Variants in NALF1 observed in about 807,000 individuals in gnomAD.
NALF1 encodes family with sequence similarity 155 member A.
NALF1 carries 3 observed loss-of-function variants against 48.4 expected under a neutral mutation model. The ratio of observed to expected loss-of-function variants is 0.06; its 90% CI spans 0.03 to 0.16. The LOEUF (loss-of-function observed/expected upper bound fraction) is 0.16, where lower values mean the gene tolerates loss of function less well. Ranked by LOEUF, NALF1 falls within the 10% of genes least tolerant of loss-of-function variation. NALF1 has a pLI of 1.00. For missense variants in NALF1, 526 were observed against 571.5 expected, an observed-to-expected ratio of 0.92 and a Z score of 0.81; for synonymous variants, 262 against 245.7, an observed-to-expected ratio of 1.07 and a Z score of -0.62.
intron 1 of NALF1, among the ~76,000 whole-genome samples, chr13:107,524,208 T>G (rs2139099635): frequency 6.6e-6 from 1 of 152,238 alleles, no homozygotes; most frequent in Admixed American, 6.5e-5. Context: ...GCATGAAAAT[T>G]TCTATTCCAA....
chr13:107,521,144 A>C (rs924615915), intron 1 of NALF1, among the ~76,000 whole-genome samples: 6 of 152,212 alleles, frequency 3.9e-5, no homozygotes, highest in African/African-American at 1.4e-4. Context: ...TGCATCTTTA[A>C]ACTGCGATGT....
In NALF1 at chr13:107,740,850, A is replaced by G. The variant is rs556002901; in HGVS notation, c.915+124832T>C. Among the ~76,000 whole-genome samples, 24 of 152,358 alleles carry G rather than the reference A, an allele frequency of 1.6e-4. No individual in the cohort carries two copies. The South Asian group carries it at 2.3e-3, about 14-fold the overall frequency. On this transcript the variant is annotated intron_variant, in intron 1 of 2. Transcript: ENST00000375915. ...CTGGAATCTCCATTGGAAGGAATAA[A>G]ATATATGCTTTGGAATATGTACAAG...
rs1884776926 is a variant in NALF1, at chr13:107,453,526, C to A, written c.916-242771G>T. Among the ~76,000 whole-genome samples, 5 of 152,148 alleles carry A rather than the reference C, an allele frequency of 3.3e-5. No homozygotes were observed. The South Asian group carries it at 1.0e-3, about 32-fold the overall frequency. ...CCCAAGGATGCACATAGCAAGGGGC[C>A]CCTAGGCCTGGCCCACAGAACCATT... On this transcript the variant is annotated intron_variant, in intron 1 of 2. Coordinates refer to ENST00000375915, the MANE Select transcript of NALF1 (RefSeq NM_001080396.3).
intron 1 of NALF1, among the ~76,000 whole-genome samples, chr13:107,581,725 G>A (rs1482329811): frequency 1.3e-5 from 2 of 152,092 alleles, no homozygotes; most frequent in Non-Finnish European, 2.9e-5. Context: ...TAAGCAAATG[G>A]CATCTATTAC....
rs187127928 is a variant in NALF1, at chr13:107,344,548, G to A, written c.916-133793C>T. On this transcript the variant is annotated intron_variant, in intron 1 of 2. Coordinates refer to ENST00000375915, the MANE Select transcript of NALF1 (RefSeq NM_001080396.3). ...GGCTCACACACAAAAATCAATCAAT[G>A]TAATACACCACATCAACCAAAGAAC... is the stretch of plus-strand genomic sequence containing the variant. Among the ~76,000 whole-genome samples the A allele has an allele frequency of 1.8e-3, 270 of 152,224 alleles. 1 individual carries two copies. Among genetic ancestry groups the A allele is most frequent in the African/African-American group, 6.2e-3 (259 of 41,562 alleles).
chr13:107,384,197 G>C (rs1288437999), intron 1 of NALF1, among the ~76,000 whole-genome samples: 1 of 152,146 alleles, frequency 6.6e-6, no homozygotes, highest in African/African-American at 2.4e-5. Flanking sequence ...AGGTTGCAGT[G>C]AGCTGTGACT....
At chr13:107,300,571 C>T (rs1272239430) in intron 1 of NALF1, among the ~76,000 whole-genome samples, 1 of 152,128 alleles carries the variant, frequency 6.6e-6, no homozygotes, top group Non-Finnish European at 1.5e-5. Flanking sequence ...AGTATCCACA[C>T]TTAGTTGGTT....
intron 1 of NALF1, among the ~76,000 whole-genome samples, chr13:107,499,509 T>C (rs1875446392): frequency 6.6e-6 from 1 of 152,140 alleles, no homozygotes; most frequent in African/African-American, 2.4e-5. Flanking sequence ...GGCCAGGCCA[T>C]ATTGAAGTCT....
chr13:107,449,135 G>A (rs1487244198), intron 1 of NALF1, among the ~76,000 whole-genome samples: 2 of 152,102 alleles, frequency 1.3e-5, no homozygotes, highest in African/African-American at 2.4e-5. Flanking sequence ...TCCCAGCTAC[G>A]CGGAAGGATG....
intron 1 of NALF1, among the ~76,000 whole-genome samples, chr13:107,596,375 C>A (rs544076071): frequency 6.6e-6 from 1 of 152,108 alleles, no homozygotes; most frequent in African/African-American, 2.4e-5. Context: ...CGCACACATA[C>A]GTGTATTGCA....
intron 1 of NALF1, among the ~76,000 whole-genome samples, chr13:107,609,103 G>A (rs1879153657): frequency 6.6e-6 from 1 of 151,740 alleles, no homozygotes; most frequent in African/African-American, 2.4e-5. Flanking sequence ...GGTATAGCTG[G>A]TGCCCCAAAA....
At chr13:107,865,561 G>A in intron 1 of NALF1, 121 bp downstream of exon 1, 1 of 1,332,776 alleles carries the variant, frequency 7.5e-7, no homozygotes, top group South Asian at 1.5e-5. Context: ...CTTAATAACC[G>A]CAGAAAACAC....
intron 1 of NALF1, among the ~76,000 whole-genome samples, chr13:107,617,429 C>T (rs1879408573): frequency 6.6e-6 from 1 of 152,170 alleles, no homozygotes; most frequent in Non-Finnish European, 1.5e-5. Context: ...TAAAGAAGAA[C>T]AACATCCTTC....
rs566194824 is a variant in NALF1, at chr13:107,334,411, C to T, written c.916-123656G>A. ...CCTTTTGTATTCTTTTCCAACCCCT[C>T]CTTTCCAAGCACTCTGCCCAATCAG... is the stretch of plus-strand genomic sequence containing the variant. On this transcript the variant is annotated intron_variant, in intron 1 of 2. Coordinates refer to ENST00000375915, the MANE Select transcript of NALF1 (RefSeq NM_001080396.3). 4.2e-4 allele frequency among the ~76,000 whole-genome samples: 64 copies of T among 152,286 alleles called. 1 individual carries two copies. Among genetic ancestry groups the T allele is most frequent in the African/African-American group, 1.4e-3 (57 of 41,562 alleles).
At chr13:107,823,618 C>T (rs1322431180) in intron 1 of NALF1, among the ~76,000 whole-genome samples, 1 of 121,184 alleles carries the variant, frequency 8.3e-6, no homozygotes, top group Non-Finnish European at 1.7e-5. Flanking sequence ...TGGTACTCTC[C>T]CTTCTCCAAC....
chr13:107,680,948 A>AGTGTGT (rs140128926), intron 1 of NALF1, among the ~76,000 whole-genome samples: 591 of 129,966 alleles, frequency 4.5e-3, no homozygotes, highest in East Asian at 0.023. Flanking sequence ...TGAGTGTAAC[A>AGTGTGT]GTGTGTGTGT....
At chr13:107,529,253 A>C (rs1486586884) in intron 1 of NALF1, among the ~76,000 whole-genome samples, 1 of 152,128 alleles carries the variant, frequency 6.6e-6, no homozygotes, top group African/African-American at 2.4e-5. Flanking sequence ...ATACCTGCAT[A>C]GTGAATAATT....
At chr13:107,482,869 C>G (rs990913427) in intron 1 of NALF1, among the ~76,000 whole-genome samples, 4 of 152,172 alleles carry the variant, frequency 2.6e-5, no homozygotes, top group African/African-American at 9.6e-5. Context: ...ATGTAAATCA[C>G]AAGCTACTTC....
chr13:107,292,375 CT>C (rs1403902573), intron 1 of NALF1, among the ~76,000 whole-genome samples: 5 of 152,232 alleles, frequency 3.3e-5, no homozygotes, highest in Middle Eastern at 3.4e-3. Flanking sequence ...TTTTTTTAAA[CT>C]TTTTTTCTCT....
Sources: gnomAD v4.1 joint callset for allele counts (sites outside exome capture counted in the v4.1 genomes callset) on GRCh38, gnomAD v4.1.1 for gene constraint, MANE v1.5 for transcripts, NCBI Gene and HGNC (gene_info 2026-07-23, HGNC 2026-07-21) for gene names.